The following FAM222A variants were observed in gnomAD, a reference collection of about 807,000 sequenced individuals.
FAM222A encodes the protein protein FAM222A.
In FAM222A, 7 loss-of-function variants were observed where a neutral mutation model predicts 25.8. The ratio of observed to expected loss-of-function variants is 0.27; its 90% CI spans 0.15 to 0.51. FAM222A has a LOEUF of 0.51. Ranked by LOEUF, FAM222A falls within the 20% of genes least tolerant of loss-of-function variation. FAM222A has a pLI of 0.97. For missense variants in FAM222A, 573 were observed against 640.5 expected (o/e 0.89, Z 1.14); for synonymous variants, 294 against 298.8 (o/e 0.98, Z 0.17).
intron 2 of FAM222A, among the ~76,000 whole-genome samples, chr12:109,748,795 C>T (rs1386555412): frequency 2.0e-5 from 3 of 151,966 alleles, no homozygotes; most frequent in African/African-American, 7.3e-5. Flanking sequence ...ATCCCCTTTC[C>T]CCAAAGATTC....
At chr12:109,722,108 T>G (rs571849114) in intron 1 of FAM222A, among the ~76,000 whole-genome samples, 27 of 152,278 alleles carry the variant, frequency 1.8e-4, no homozygotes, top group African/African-American at 6.3e-4. Flanking sequence ...GCTGGTGGGC[T>G]TCTGACGGGC....
chr12:109,725,929 A>T (rs1182469600), intron 1 of FAM222A, among the ~76,000 whole-genome samples: 2 of 151,930 alleles, frequency 1.3e-5, no homozygotes, highest in Non-Finnish European at 2.9e-5. Context: ...CGGCTTAATT[A>T]CTTGGTATTC....
chr12:109,732,715 C>T (rs573944504), intron 1 of FAM222A, among the ~76,000 whole-genome samples: 12 of 152,222 alleles, frequency 7.9e-5, no homozygotes, highest in South Asian at 6.2e-4. Flanking sequence ...TGAGAGTGTA[C>T]GCAGGACATG....
At chr12:109,739,377 A>G (rs551203192) in intron 1 of FAM222A, among the ~76,000 whole-genome samples, 1 of 152,358 alleles carries the variant, frequency 6.6e-6, no homozygotes, top group African/African-American at 2.4e-5. Flanking sequence ...CTGGCAGGAC[A>G]CTTTGAGTCA....
intron 2 of FAM222A, among the ~76,000 whole-genome samples, chr12:109,750,910 G>A (rs1028851055): frequency 2.0e-5 from 3 of 151,732 alleles, no homozygotes; most frequent in Non-Finnish European, 2.9e-5. Flanking sequence ...ATTTGATTTC[G>A]ATCTTTCCAT....
At chr12:109,733,553 G>A (rs949506038) in intron 1 of FAM222A, among the ~76,000 whole-genome samples, 32 of 152,156 alleles carry the variant, frequency 2.1e-4, no homozygotes, top group African/African-American at 6.3e-4. Context: ...ACAGGCACAC[G>A]CCACCACGCC....
intron 2 of FAM222A, among the ~76,000 whole-genome samples, chr12:109,760,956 G>A (rs1398332120): frequency 6.6e-6 from 1 of 152,154 alleles, no homozygotes; most frequent in African/African-American, 2.4e-5. Flanking sequence ...CTGGGAGCTT[G>A]GAGGCAGTGG....
At chr12:109,731,869 A>T (rs1420164737) in intron 1 of FAM222A, among the ~76,000 whole-genome samples, 2 of 152,154 alleles carry the variant, frequency 1.3e-5, no homozygotes, top group Non-Finnish European at 2.9e-5. Flanking sequence ...GTGGGAAATA[A>T]AGGTCCCAGC....
intron 2 of FAM222A, among the ~76,000 whole-genome samples, chr12:109,750,885 T>C (rs1888541808): frequency 1.5e-4 from 1 of 6,776 alleles, no homozygotes; most frequent in South Asian, 3.5e-3. Flanking sequence ...GAGGACTGAT[T>C]TTTTTCCCCC....
At chr12:109,721,718 G>A (rs1887749854) in intron 1 of FAM222A, among the ~76,000 whole-genome samples, 1 of 152,216 alleles carries the variant, frequency 6.6e-6, no homozygotes. Context: ...TTTTAGGTGG[G>A]AGGGTCTGTT....
chr12:109,757,760 T>A (rs1222317117), intron 2 of FAM222A, among the ~76,000 whole-genome samples: 2 of 78,220 alleles, frequency 2.6e-5, no homozygotes, highest in African/African-American at 4.9e-5. Context: ...GAGCCAGGGG[T>A]GGGGAGGGGG....
chr12:109,752,249 C>T (rs1378773894), intron 2 of FAM222A, among the ~76,000 whole-genome samples: 4 of 152,226 alleles, frequency 2.6e-5, no homozygotes, highest in Non-Finnish European at 5.9e-5. Flanking sequence ...CATCCTGCTT[C>T]CCCCGCCCAT....
At chr12:109,728,682 T>A (rs921191297) in intron 1 of FAM222A, among the ~76,000 whole-genome samples, 1 of 152,188 alleles carries the variant, frequency 6.6e-6, no homozygotes, top group Admixed American at 6.5e-5. Flanking sequence ...CAAGCCCTTT[T>A]CACCAATCTC....
At chr12:109,733,066 T>A (rs1408287404) in intron 1 of FAM222A, among the ~76,000 whole-genome samples, 1 of 151,026 alleles carries the variant, frequency 6.6e-6, no homozygotes, top group East Asian at 1.9e-4. Flanking sequence ...TCGGAGGAGG[T>A]GATGTTTGAG....
At chr12:109,726,705 A>G (rs532934403) in intron 1 of FAM222A, among the ~76,000 whole-genome samples, 69 of 152,232 alleles carry the variant, frequency 4.5e-4, no homozygotes, top group African/African-American at 1.6e-3. Context: ...GAGGGTGAGA[A>G]TGGAGTGGTC....
chr12:109,734,508 T>A (rs1442516773), intron 1 of FAM222A: 1 of 151,814 alleles, frequency 6.6e-6, no homozygotes, highest in Non-Finnish European at 1.5e-5. Flanking sequence ...CCCCAGCAGC[T>A]GTTCCCTGTC....
At chr12:109,743,677 T>G (rs1289213338) in intron 1 of FAM222A, among the ~76,000 whole-genome samples, 1 of 152,168 alleles carries the variant, frequency 6.6e-6, no homozygotes, top group African/African-American at 2.4e-5. Context: ...CGAGCACCCC[T>G]CTGTGTAGAT....
intron 2 of FAM222A, among the ~76,000 whole-genome samples, chr12:109,758,038 G>T (rs1888783916): frequency 6.6e-6 from 1 of 152,188 alleles, no homozygotes; most frequent in African/African-American, 2.4e-5. Flanking sequence ...GCTGGAGAGG[G>T]ATTAAAGTGT....
chr12:109,714,499 C>T lies in FAM222A; in HGVS notation c.-445C>T, dbSNP rs1887599463. 1 of 151,896 alleles carries T rather than the reference C, an allele frequency of 6.6e-6. No homozygotes were observed. Among genetic ancestry groups the T allele is most frequent in the African/African-American group, 2.4e-5 (1 of 41,402 alleles). The allele number at this position is 151,896 out of a possible 1,614,324, so 9.4% of individuals were successfully genotyped here. A position where few individuals can be genotyped will look rare whatever the true frequency, so the allele number is the denominator to read the frequency against. Reference sequence around the variant, plus strand: ...TGGGGCTGGCGAAAGGGGCCGCGGCCGCCGGGCTCCCAGCGCGGGCGGAGA... The same window carrying T: ...TGGGGCTGGCGAAAGGGGCCGCGGCTGCCGGGCTCCCAGCGCGGGCGGAGA... On this transcript the variant is annotated 5_prime_UTR_variant, in exon 1 of 3. Transcript: ENST00000538780. This position sits in a 1 kb window ranked among gnomAD's most constrained non-coding sequence, Gnocchi z 4.2.
Sources: allele counts gnomAD v4.1 joint callset (sites outside exome capture counted in the v4.1 genomes callset), GRCh38; gene constraint gnomAD v4.1.1; non-coding constraint Gnocchi (gnomAD v3.1); transcripts MANE v1.5; gene names NCBI Gene and HGNC (gene_info 2026-07-23, HGNC 2026-07-21).